The following PDE4D variants were observed in gnomAD, a reference collection of about 807,000 sequenced individuals.
PDE4D encodes phosphodiesterase 4D, also known as 3',5'-cyclic-AMP phosphodiesterase 4D.
A neutral mutation model predicts 87.4 loss-of-function variants in PDE4D; 24 were observed. The ratio of observed to expected loss-of-function variants is 0.27; its 90% CI spans 0.20 to 0.39. The LOEUF is 0.39. Among genes scored for constraint, PDE4D ranks in the 10% least tolerant of loss-of-function variants. The pLI is 1.00. For synonymous variants in PDE4D, 384 were observed against 383.2 expected, an observed-to-expected ratio of 1.00 and a Z score of -0.02; for missense variants, 714 against 1,041.0, an observed-to-expected ratio of 0.69 and a Z score of 4.32.
intron 1 of PDE4D, among the ~76,000 whole-genome samples, chr5:60,195,319 C>A (rs902131608): frequency 1.3e-5 from 2 of 151,668 alleles, no homozygotes; most frequent in African/African-American, 4.8e-5. Flanking sequence ...TCACTGCCAA[C>A]CTTGCCCTGG....
chr5:59,337,328 C>CCA (rs373443992), intron 1 of PDE4D, among the ~76,000 whole-genome samples: 6,370 of 145,434 alleles, frequency 0.044, 419 homozygotes, highest in African/African-American at 0.13. Context: ...TAAGTTCCCC[C>CCA]CCCCCCACCT....
intron 9 of PDE4D, among the ~76,000 whole-genome samples, chr5:58,990,381 G>C (rs1747621750): frequency 1.3e-5 from 2 of 152,124 alleles, no homozygotes; most frequent in African/African-American, 2.4e-5. Flanking sequence ...ATAAGAGAGA[G>C]AAATGGATAT....
intron 1 of PDE4D, among the ~76,000 whole-genome samples, chr5:60,245,747 T>C (rs1219636767): frequency 1.3e-5 from 2 of 151,768 alleles, no homozygotes; most frequent in Non-Finnish European, 2.9e-5. Context: ...CTCATGGAGA[T>C]AGATGGTAAA....
At chr5:59,524,659 T>C (rs1179622143) in intron 1 of PDE4D, among the ~76,000 whole-genome samples, 1 of 152,204 alleles carries the variant, frequency 6.6e-6, no homozygotes, top group Non-Finnish European at 1.5e-5. Flanking sequence ...CTCTAGAGCC[T>C]GTTAGACGAC....
intron 1 of PDE4D, among the ~76,000 whole-genome samples, chr5:59,731,482 A>T (rs1222939752): frequency 2.6e-5 from 4 of 152,168 alleles, no homozygotes; most frequent in Non-Finnish European, 5.9e-5. Flanking sequence ...ACCTCCTGAT[A>T]TCCTTTTCCA....
intron 1 of PDE4D, among the ~76,000 whole-genome samples, chr5:59,805,548 G>A (rs1382025154): frequency 1.3e-5 from 2 of 152,190 alleles, no homozygotes; most frequent in Non-Finnish European, 2.9e-5. Context: ...TATAAGAATA[G>A]GATGAATGCT....
At chr5:59,345,510 T>C (rs1181524686) in intron 1 of PDE4D, among the ~76,000 whole-genome samples, 1 of 152,182 alleles carries the variant, frequency 6.6e-6, no homozygotes, top group Non-Finnish European at 1.5e-5. Context: ...GTTTCTTATT[T>C]TAGTCACTTA....
At chr5:60,367,712 T>C (rs1760678077) in intron 1 of PDE4D, among the ~76,000 whole-genome samples, 1 of 152,166 alleles carries the variant, frequency 6.6e-6, no homozygotes, top group East Asian at 1.9e-4. Flanking sequence ...AGTATGCTTG[T>C]CATTATAGTC....
chr5:59,764,151 G>A (rs1269135958), intron 1 of PDE4D, among the ~76,000 whole-genome samples: 1 of 151,954 alleles, frequency 6.6e-6, no homozygotes, highest in East Asian at 1.9e-4. Flanking sequence ...TTCAACTCTT[G>A]TCTCTTCACT....
intron 1 of PDE4D, among the ~76,000 whole-genome samples, chr5:59,781,837 A>G (rs1764670180): frequency 6.9e-6 from 1 of 144,516 alleles, no homozygotes; most frequent in African/African-American, 2.5e-5. Flanking sequence ...TTTGTGGCGT[A>G]TGCTGATTTC....
chr5:60,049,934 C>G (rs953174387), intron 2 of PDE4D, among the ~76,000 whole-genome samples: 16 of 152,324 alleles, frequency 1.1e-4, no homozygotes, highest in African/African-American at 3.8e-4. Flanking sequence ...CGTAAGCAAG[C>G]CTGGGCAATG....
At chr5:59,900,274 A>ACT (rs1752117815) in intron 3 of PDE4D, among the ~76,000 whole-genome samples, 1 of 139,906 alleles carries the variant, frequency 7.1e-6, no homozygotes, top group Non-Finnish European at 1.6e-5. Flanking sequence ...ACACACACAC[A>ACT]CACACACACA....
chr5:60,220,487 C>T (rs1171102362), intron 1 of PDE4D, among the ~76,000 whole-genome samples: 1 of 152,094 alleles, frequency 6.6e-6, no homozygotes, highest in African/African-American at 2.4e-5. Context: ...GTTCTTCACC[C>T]AACTATCCTG....
chr5:59,471,412 G>A (rs1312348191), intron 1 of PDE4D, among the ~76,000 whole-genome samples: 1 of 152,214 alleles, frequency 6.6e-6, no homozygotes, highest in Non-Finnish European at 1.5e-5. Context: ...TAACAGTGCT[G>A]GTCAGGAGCT....
chr5:60,416,367 T>C (rs964960471), intron 1 of PDE4D, among the ~76,000 whole-genome samples: 25 of 152,294 alleles, frequency 1.6e-4, no homozygotes, highest in Admixed American at 8.5e-4. Context: ...TTTTCACTCT[T>C]TGCAATAAAT....
chr5:60,067,412 C>G (rs1772221965), intron 2 of PDE4D, among the ~76,000 whole-genome samples: 1 of 151,920 alleles, frequency 6.6e-6, no homozygotes, highest in South Asian at 2.1e-4. Flanking sequence ...CTTTAATTTC[C>G]TTATAAATTG....
chr5:60,484,677 C>G (rs1460414187), intron 1 of PDE4D, among the ~76,000 whole-genome samples: 1 of 152,040 alleles, frequency 6.6e-6, no homozygotes, highest in Non-Finnish European at 1.5e-5. Context: ...GGAGCTTAAA[C>G]AAATGTAAGG....
Position 58,975,898 on chromosome 5 carries a change from C to A in PDE4D, c.1831-59G>T, listed in dbSNP as rs201602718. On this transcript the variant is annotated intron_variant, in intron 13 of 14. Coordinates refer to ENST00000340635, the MANE Select transcript of PDE4D (RefSeq NM_001104631.2). This position sits in a 1 kb window ranked among gnomAD's most constrained non-coding sequence, Gnocchi z 4.2. ...TGTTCCTTTTTTTTAAAAAAAAAAA[C>A]AAAAAAAACTAGAAATTCACATTGG... 347 of 875,334 alleles carry A rather than the reference C, an allele frequency of 4.0e-4. 2 individuals are homozygous for A. Among genetic ancestry groups the A allele is most frequent in the African/African-American group, 5.6e-4 (31 of 55,234 alleles). The allele number at this position is 875,334 out of a possible 1,614,324, so 54.2% of individuals were successfully genotyped here.
intron 1 of PDE4D, among the ~76,000 whole-genome samples, chr5:59,535,171 G>C (rs1814967095): frequency 6.6e-6 from 1 of 151,896 alleles, no homozygotes; most frequent in South Asian, 2.1e-4. Context: ...GGGAGTCCGA[G>C]CAAGTAGGGA....
Sources: gnomAD v4.1 joint callset for allele counts (sites outside exome capture counted in the v4.1 genomes callset) on GRCh38, gnomAD v4.1.1 for gene constraint, Gnocchi (gnomAD v3.1) non-coding constraint, MANE v1.5 for transcripts, NCBI Gene and HGNC (gene_info 2026-07-23, HGNC 2026-07-21) for gene names.